PORCN: variants seen among roughly 807,000 people sequenced by gnomAD.
PORCN encodes protein-serine O-palmitoleoyltransferase porcupine.
In PORCN, 1 loss-of-function variant was observed where a neutral mutation model predicts 43.0. The ratio of observed to expected loss-of-function variants is 0.02; its 90% confidence interval spans 0.01 to 0.11. The LOEUF is 0.11. PORCN is among the 10% of genes least tolerant of loss of function. PORCN has a pLI of 1.00. For missense variants in PORCN, 240 were observed against 392.1 expected (o/e 0.61, Z 3.28); for synonymous variants, 148 against 166.4 (o/e 0.89, Z 0.85).
chrX:48,514,044 G>A (rs1379995650), intron 7 of PORCN, 83 bp from the exon 8 acceptor site: 7 of 1,105,521 alleles, frequency 6.3e-6, no homozygotes, highest in Non-Finnish European at 7.5e-6. Flanking sequence ...TGTCTTGTCT[G>A]AACAATTCAG....
intron 4 of PORCN, 55 bp downstream of exon 4, chrX:48,511,990 C>T: frequency 2.1e-6 from 2 of 967,094 alleles, no homozygotes; most frequent in Non-Finnish European, 3.0e-6. Flanking sequence ...CTCCTCGTCT[C>T]CTAACTGCCC....
At chrX:48,513,686 T>A (rs1277539151) in intron 7 of PORCN, among the ~76,000 whole-genome samples, 1 of 112,526 alleles carries the variant, frequency 8.9e-6, no homozygotes, top group Non-Finnish European at 1.9e-5. Flanking sequence ...TTTGACCATG[T>A]CTGATTACAA....
In PORCN at chrX:48,512,017, C is replaced by T. The variant is rs915131436; in HGVS notation, c.373+82C>T. 63 of 799,161 alleles carry T rather than the reference C, an allele frequency of 7.9e-5. No individual in the cohort carries two copies. The Middle Eastern group carries it at 9.5e-4, about 12-fold the overall frequency. 65.9% of individuals were successfully genotyped at this position (799,161 alleles called of 1,213,427 possible). A position where few individuals can be genotyped will look rare whatever the true frequency, so the allele number is the denominator to read the frequency against. ...TAACTGCCCCCACCCTGTGCCTTTC[C>T]TCTCCTGCTTTTCTCCCTCACCTGC... On this transcript the variant is annotated intron_variant, in intron 4 of 14. Transcript: ENST00000326194.
chrX:48,515,943 C>T lies in PORCN; in HGVS notation c.1077C>T (p.Tyr359=), dbSNP rs370844692. The T allele has an allele frequency of 2.5e-6, 3 of 1,209,195 alleles. No homozygotes were observed. The highest frequency in any genetic ancestry group is 1.8e-5 in the African/African-American group (1 of 57,024). The change falls in exon 12 of 15, where the codon TAC becomes TAT. Residue 359 remains tyrosine (Y), a synonymous_variant. Transcript: ENST00000326194. ...AVLLSLAFIT[Y]VEHVLRKRLA... The stretch of plus-strand genomic sequence containing the variant: ...TGCTGTCCCTGGCTTTTATCACTTA[C>T]GTGGAGCATGGTGAGTGCAGGGCCC...
At chrX:48,517,064 G>A in intron 13 of PORCN, 119 bp from the exon 14 acceptor site, 1 of 542,235 alleles carries the variant, frequency 1.8e-6, no homozygotes, top group Middle Eastern at 3.4e-4. Flanking sequence ...GGGTACCCTG[G>A]GCATCCTCAG....
rs1556974732 is a variant in PORCN at position 48,514,384 on chromosome X, C to A, written c.845+19C>A. 1 of 1,205,449 alleles carries A rather than the reference C, an allele frequency of 8.3e-7. No homozygotes were observed. The highest frequency in any genetic ancestry group is 1.1e-6 in the Non-Finnish European group (1 of 891,641). On this transcript the variant is annotated intron_variant, in intron 9 of 14. Transcript: ENST00000326194. ...TGGAATGGTGGGGGGGCTTGGGGACCCCCTCTCCCACAGGGTGCTGCCTAG... is the reference window on the plus strand; with the variant it reads ...TGGAATGGTGGGGGGGCTTGGGGACACCCTCTCCCACAGGGTGCTGCCTAG...
chrX:48,509,457 T>A (rs1556973345), intron 1 of PORCN: 2 of 912,981 alleles, frequency 2.2e-6, no homozygotes, highest in East Asian at 1.5e-4. Context: ...GGATTCCCCT[T>A]CCCGTCGCCC....
In PORCN at chrX:48,515,996, G is replaced by T. The variant is rs368075380; in HGVS notation, c.1087+43G>T. ...CCCAGCCGTTGGATAGAAGGTTGGT[G>T]GGGGGGCTGGAGACAGCCTCCCCTG... On this transcript the variant is annotated intron_variant, in intron 12 of 14. Coordinates refer to ENST00000326194, the MANE Select transcript of PORCN (RefSeq NM_203475.3). 3.1e-5 allele frequency: 37 copies of T among 1,201,428 alleles called. No homozygotes were observed. The African/African-American group carries it at 3.3e-4, about 11-fold the overall frequency.
chrX:48,516,302 C>T lies in PORCN; in HGVS notation c.1173+156C>T. ...CCTCTATTCGCTGGCATCCGTTTCCCTAACAGGCATTTATCGAGCATCTGC... is the reference window on the plus strand; with the variant it reads ...CCTCTATTCGCTGGCATCCGTTTCCTTAACAGGCATTTATCGAGCATCTGC... On this transcript the variant is annotated intron_variant, in intron 13 of 14. Transcript: ENST00000326194. The T allele has an allele frequency of 1.3e-5, 7 of 533,836 alleles. No individual in the cohort carries two copies. In the South Asian group the frequency reaches 1.8e-4, roughly 14 times the overall value. The allele number at this position is 533,836 out of a possible 1,213,427, so 44.0% of individuals were successfully genotyped here.
chrX:48,516,984 G>A (rs2061722149), intron 13 of PORCN, among the ~76,000 whole-genome samples, 199 bp from the exon 14 acceptor site: 1 of 110,893 alleles, frequency 9.0e-6, no homozygotes, highest in South Asian at 3.8e-4. Context: ...TGCCCTCACT[G>A]TGAACAGTAC....
At position 48,516,124 on chromosome X, in the gene PORCN, A is replaced by G; in HGVS notation, c.1151A>G (p.Asp384Gly). The change falls in exon 13 of 15, where the codon GAC (aspartate) becomes GGC (glycine). Residue 384 changes from aspartate (D) to glycine (G), a missense_variant. By Grantham distance (94) the Asp-to-Gly change is moderately conservative. Transcript: ENST00000326194. ...GTCTTGTCAAAGCGGTGCCCGCCAGACTGTTCGCACCAGCATCGCTTGGTG... is the reference window on the plus strand; with the variant it reads ...GTCTTGTCAAAGCGGTGCCCGCCAGGCTGTTCGCACCAGCATCGCTTGGTG... Reference protein sequence around the residue: ...ACVLSKRCPPDCSHQHRLGLG... With the variant: ...ACVLSKRCPPGCSHQHRLGLG... 1 of 1,208,983 alleles carries G rather than the reference A, an allele frequency of 8.3e-7. No homozygotes were observed. The highest frequency in any genetic ancestry group is 1.1e-6 in the Non-Finnish European group (1 of 894,788).
intron 7 of PORCN, among the ~76,000 whole-genome samples, chrX:48,513,795 G>T (rs1253730359): frequency 8.9e-6 from 1 of 112,363 alleles, no homozygotes; most frequent in African/African-American, 3.2e-5. Context: ...AGTCAGGTTA[G>T]AGCATTGCAA....
At chrX:48,511,041 C>T (rs1228718187) in intron 2 of PORCN, among the ~76,000 whole-genome samples, 5 of 111,920 alleles carry the variant, frequency 4.5e-5, no homozygotes, top group African/African-American at 6.5e-5. Flanking sequence ...TTTCTTTAAA[C>T]CCAGGCCCTG....
At chrX:48,516,635 G>A (rs782379364) in intron 13 of PORCN, among the ~76,000 whole-genome samples, 13 of 110,470 alleles carry the variant, frequency 1.2e-4, no homozygotes, top group Non-Finnish European at 2.5e-4. Flanking sequence ...GCCTTTAACC[G>A]AAGGAGGTGA....
chrX:48,513,405 G>A (rs2061690403), intron 7 of PORCN, among the ~76,000 whole-genome samples: 1 of 112,259 alleles, frequency 8.9e-6, no homozygotes, highest in African/African-American at 3.2e-5. Flanking sequence ...CTTCCCTGAT[G>A]GCTTGGTGTT....
At chrX:48,515,134 G>A (rs1172057862) in intron 10 of PORCN, among the ~76,000 whole-genome samples, 3 of 112,547 alleles carry the variant, frequency 2.7e-5, no homozygotes, top group East Asian at 2.8e-4. Context: ...AGTGGCAGGC[G>A]GTGAGGTCAG....
rs900532510 is a variant in PORCN, at chrX:48,516,130, C to T, written c.1157C>T (p.Ser386Leu). ...VLSKRCPPDC[S>L]HQHRLGLGVR... ...TCAAAGCGGTGCCCGCCAGACTGTTCGCACCAGCATCGCTTGGTGAGGGTT... is the reference window on the plus strand; with the variant it reads ...TCAAAGCGGTGCCCGCCAGACTGTTTGCACCAGCATCGCTTGGTGAGGGTT... Residue 386 changes from serine to leucine, a missense_variant, in exon 13 of 15, where the codon TCG becomes TTG. Transcript: ENST00000326194. The T allele has an allele frequency of 2.5e-6, 3 of 1,211,060 alleles. No individual in the cohort carries two copies. The highest frequency in any genetic ancestry group is 3.4e-6 in the Non-Finnish European group (3 of 894,924).
In PORCN at chrX:48,515,370, G is replaced by C; in HGVS notation, c.947-347G>C. ...GCCAGTGATGGTGGTGGTGGCAGTGGATGTGGAGAGGAGAGCTCAGATTCT... is the reference window on the plus strand; with the variant it reads ...GCCAGTGATGGTGGTGGTGGCAGTGCATGTGGAGAGGAGAGCTCAGATTCT... On this transcript the variant is annotated intron_variant, in intron 10 of 14. Coordinates refer to ENST00000326194, the MANE Select transcript of PORCN (RefSeq NM_203475.3). 2.6e-5 allele frequency: 8 copies of C among 310,357 alleles called. 1 individual carries two copies. Among genetic ancestry groups the C allele is most frequent in the South Asian group, 2.6e-4 (7 of 27,291 alleles). 25.6% of individuals were successfully genotyped at this position (310,357 alleles called of 1,213,427 possible).
In PORCN at chrX:48,520,384, A is replaced by T. The variant is rs192546852; in HGVS notation, c.1294A>T (p.Met432Leu). 1 of 1,206,555 alleles carries T rather than the reference A, an allele frequency of 8.3e-7. No individual in the cohort carries two copies. The highest frequency in any genetic ancestry group is 2.2e-5 in the Admixed American group (1 of 45,983). Residue 432 changes from methionine (M) to leucine (L), a missense_variant, in exon 15 of 15, where the codon ATG becomes TTG. Met to Leu is a conservative substitution (Grantham distance 15). Transcript: ENST00000326194. Reference sequence around the variant, plus strand: ...TCTTTCTCTCCCACAGGGCTACGGCATGGCATACACTGTCCACAAGTGGTC... The same window carrying T: ...TCTTTCTCTCCCACAGGGCTACGGCTTGGCATACACTGTCCACAAGTGGTC... ...DDTTEEQGYG[M>L]AYTVHKWSEL...
Sources: allele counts gnomAD v4.1 joint callset (sites outside exome capture counted in the v4.1 genomes callset), GRCh38; gene constraint gnomAD v4.1.1; transcripts MANE v1.5; gene names NCBI Gene and HGNC (gene_info 2026-07-23, HGNC 2026-07-21).